The following DOCK3 variants were observed in gnomAD, a reference collection of about 807,000 sequenced individuals.
DOCK3 encodes dedicator of cytokinesis protein 3.
Under a neutral mutation model 265.6 loss-of-function variants are expected in DOCK3, and 60 were observed. That is an observed-to-expected ratio of 0.23 (90% CI 0.18 to 0.28). The LOEUF is 0.28. DOCK3 is among the 10% of genes least tolerant of loss of function. The probability of loss-of-function intolerance (pLI) is 1.00; values close to 1 mark genes in which losing one functional copy is unlikely to be tolerated. For synonymous variants in DOCK3, 881 were observed against 938.0 expected (o/e 0.94, Z 1.11); for missense variants, 1,981 against 2,594.3 (o/e 0.76, Z 5.14).
intron 32 of DOCK3, among the ~76,000 whole-genome samples, chr3:51,319,147 G>A (rs1249056959): frequency 6.6e-6 from 1 of 152,112 alleles, no homozygotes; most frequent in African/African-American, 2.4e-5. Context: ...TGTTTTACCA[G>A]TGAATATGAT....
chr3:51,316,820 T>C (rs1262360592), intron 32 of DOCK3, among the ~76,000 whole-genome samples: 1 of 152,236 alleles, frequency 6.6e-6, no homozygotes, highest in Non-Finnish European at 1.5e-5. Context: ...TTCCTTATTG[T>C]TGAATTGTAG....
rs529936733 is a variant in DOCK3, at chr3:51,330,622, G to A, written c.3488+399G>A. Among the ~76,000 whole-genome samples, 3 of 152,242 alleles carry A rather than the reference G, an allele frequency of 2.0e-5. No homozygotes were observed. In the East Asian group the frequency reaches 5.8e-4, roughly 29 times the overall value. ...GTTCCTGTTTGCCCTGCTTTGTAAG[G>A]TAGTACAATCAGCTCACATTGCAGT... On this transcript the variant is annotated intron_variant, in intron 33 of 52. Coordinates refer to ENST00000266037, the MANE Select transcript of DOCK3 (RefSeq NM_004947.5).
intron 3 of DOCK3, among the ~76,000 whole-genome samples, chr3:50,843,853 A>G (rs1307376510): frequency 6.6e-6 from 1 of 152,210 alleles, no homozygotes; most frequent in Non-Finnish European, 1.5e-5. Flanking sequence ...ACTGAATTTC[A>G]TCCTGCGTCA....
intron 9 of DOCK3, among the ~76,000 whole-genome samples, chr3:51,101,591 CA>C (rs1476518302): frequency 6.6e-6 from 1 of 152,202 alleles, no homozygotes; most frequent in African/African-American, 2.4e-5. Flanking sequence ...ATAATATGTA[CA>C]CACTAATTCC....
intron 5 of DOCK3, among the ~76,000 whole-genome samples, chr3:50,943,250 G>T (rs1021885075): frequency 2.0e-5 from 3 of 151,998 alleles, no homozygotes; most frequent in African/African-American, 7.2e-5. Flanking sequence ...AGGATTTTTA[G>T]GGCAGTGAAA....
chr3:51,347,240 C>T (rs1027888435), intron 38 of DOCK3, among the ~76,000 whole-genome samples: 7 of 152,230 alleles, frequency 4.6e-5, no homozygotes, highest in African/African-American at 1.7e-4. Context: ...ATGGTATTGC[C>T]TAGGTTTTCT....
chr3:51,335,861 A>G (rs1443861755), intron 35 of DOCK3, among the ~76,000 whole-genome samples: 1 of 152,028 alleles, frequency 6.6e-6, no homozygotes, highest in East Asian at 1.9e-4. Flanking sequence ...GCATGGTGAC[A>G]TGCACCTGTG....
chr3:50,928,810 CT>C (rs1445941107), intron 4 of DOCK3, among the ~76,000 whole-genome samples: 23 of 152,312 alleles, frequency 1.5e-4, no homozygotes, highest in African/African-American at 5.3e-4. Flanking sequence ...GATTTTTCTA[CT>C]TTACAGTGGT....
At chr3:50,916,293 G>A (rs1322414717) in intron 4 of DOCK3, among the ~76,000 whole-genome samples, 1 of 151,886 alleles carries the variant, frequency 6.6e-6, no homozygotes, top group Non-Finnish European at 1.5e-5. Flanking sequence ...TCGCTCTGTC[G>A]CCCAGGCTGG....
chr3:51,021,677 T>TTC (rs1391445191), intron 5 of DOCK3, among the ~76,000 whole-genome samples: 1 of 151,886 alleles, frequency 6.6e-6, no homozygotes. Context: ...TTTTTTTCTT[T>TTC]TTGAGACGGA....
chr3:51,097,658 T>C (rs1388562382), intron 9 of DOCK3, among the ~76,000 whole-genome samples: 2 of 152,148 alleles, frequency 1.3e-5, no homozygotes, highest in Non-Finnish European at 1.5e-5. Context: ...CACTGGGGTA[T>C]GAAAATAAAA....
At chr3:50,782,241 A>G (rs896862100) in intron 2 of DOCK3, among the ~76,000 whole-genome samples, 12 of 151,064 alleles carry the variant, frequency 7.9e-5, no homozygotes, top group Admixed American at 2.6e-4. Context: ...ACTCCTGCCT[A>G]CAGTGTTTAA....
chr3:50,837,139 A>G lies in DOCK3; in HGVS notation c.122-4536A>G, dbSNP rs960031565. Among the ~76,000 whole-genome samples the G allele has an allele frequency of 6.6e-5, 10 of 151,988 alleles. No individual in the cohort carries two copies. In the South Asian group the frequency reaches 2.1e-3, roughly 32 times the overall value. ...TCTAGGAAGTTCCAGACTTTTCCAC[A>G]TTTTCCTGTCTTCTTCTGAGCCCTT... On this transcript the variant is annotated intron_variant, in intron 2 of 52. Transcript: ENST00000266037.
At chr3:51,379,721 G>C in intron 51 of DOCK3, 1 of 853,036 alleles carries the variant, frequency 1.2e-6, no homozygotes, top group Non-Finnish European at 1.4e-6. Flanking sequence ...GAAGGATCCT[G>C]CTGGGCTTTG....
chr3:51,333,985 C>G (rs1015309199), intron 35 of DOCK3, among the ~76,000 whole-genome samples: 1 of 151,984 alleles, frequency 6.6e-6, no homozygotes, highest in Admixed American at 6.6e-5. Flanking sequence ...GGGCTACAAG[C>G]TCATGCCACC....
chr3:50,829,181 T>C (rs1178596729), intron 2 of DOCK3, among the ~76,000 whole-genome samples: 1 of 152,220 alleles, frequency 6.6e-6, no homozygotes, highest in Admixed American at 6.5e-5. Context: ...CTCTTAAATT[T>C]GTCATCATTT....
intron 3 of DOCK3, among the ~76,000 whole-genome samples, chr3:50,882,023 C>T (rs189380109): frequency 2.0e-5 from 3 of 152,270 alleles, no homozygotes; most frequent in East Asian, 3.9e-4. Flanking sequence ...GGAAAGAATT[C>T]CCTATTTAAT....
chr3:50,966,440 G>C (rs2077033705), intron 5 of DOCK3, among the ~76,000 whole-genome samples: 1 of 146,954 alleles, frequency 6.8e-6, no homozygotes, highest in South Asian at 2.1e-4. Context: ...AGTGTACAAG[G>C]ATTCTCTTTT....
intron 10 of DOCK3, among the ~76,000 whole-genome samples, chr3:51,155,812 C>G (rs1482631771): frequency 6.6e-6 from 1 of 152,116 alleles, no homozygotes; most frequent in Admixed American, 6.5e-5. Flanking sequence ...GCTCTATATA[C>G]AAATGTGTGA....
Sources: gnomAD v4.1 joint callset for allele counts (sites outside exome capture counted in the v4.1 genomes callset) on GRCh38, gnomAD v4.1.1 for gene constraint, MANE v1.5 for transcripts, NCBI Gene and HGNC (gene_info 2026-07-23, HGNC 2026-07-21) for gene names.